The following PFN3 variants were observed in gnomAD, a reference collection of about 807,000 sequenced individuals.
The protein encoded by PFN3 is profilin-3.
A neutral mutation model predicts 6.2 loss-of-function variants in PFN3; 7 were observed. That is an observed-to-expected ratio of 1.13 (90% CI 0.64 to 2.13). The LOEUF is 2.13. PFN3 is among the 30% of genes most tolerant of loss of function. PFN3 has a pLI of 0.00. For synonymous variants in PFN3, 112 were observed against 97.7 expected (o/e 1.15, Z -0.87); for missense variants, 251 against 209.3 (o/e 1.20, Z -1.23).
rs763526726 is a variant in PFN3, at chr5:177,400,237, G to T, written c.340C>A (p.Arg114Ser). The T allele has an allele frequency of 1.2e-6, 2 of 1,611,456 alleles. No individual in the cohort carries two copies. Among genetic ancestry groups the T allele is most frequent in the Non-Finnish European group, 1.7e-6 (2 of 1,179,392 alleles). Residue 114 changes from arginine (R) to serine (S), a missense_variant, in exon 1 of 1, where the codon CGC becomes AGC. Physicochemically the swap from Arg to Ser is moderately radical, Grantham distance 110 (BLOSUM62 -1). Transcript: ENST00000358571. ...PRALLVLMGR[R>S]GVHGGILNKT... Reference sequence around the variant, plus strand: ...TTGAGGATGCCCCCATGTACGCCGCGTCGGCCCATTAGCACCAGGAGCGCG... The same window carrying T: ...TTGAGGATGCCCCCATGTACGCCGCTTCGGCCCATTAGCACCAGGAGCGCG...
rs1252537984 is a variant in PFN3 at position 177,400,169 on chromosome 5, G to T, written c.408C>A (p.Gly136=). 2 of 1,611,174 alleles carry T rather than the reference G, an allele frequency of 1.2e-6. No individual in the cohort carries two copies. The highest frequency in any genetic ancestry group is 1.3e-5 in the African/African-American group (1 of 74,892). ...HELIRGLRMQ[G]A ...GGGCGGCCTGGCTGGCCGGCTAGGC[G>T]CCCTGCATGCGCAGCCCGCGTATGA... The change falls in exon 1 of 1, where the codon GGC becomes GGA. Residue 136 remains glycine, a synonymous_variant. Coordinates refer to ENST00000358571, the MANE Select transcript of PFN3 (RefSeq NM_001029886.3).
chr5:177,400,607 C>T lies in PFN3; in HGVS notation c.-31G>A, dbSNP rs1226357044. The T allele has an allele frequency of 1.3e-6, 2 of 1,583,254 alleles. No homozygotes were observed. The highest frequency in any genetic ancestry group is 1.4e-5 in the African/African-American group (1 of 73,734). On this transcript the variant is annotated 5_prime_UTR_variant, in exon 1 of 1. The change creates a new upstream start codon in the 5' untranslated region. Transcript: ENST00000358571. ...TCCGAGTGCGCCCAGCCGCCTCGCA[C>T]CTCTCGGGGAAATATAGAGGCGCCA...
Position 177,400,421 on chromosome 5 carries a change from C to G in PFN3, c.156G>C (p.Thr52=), listed in dbSNP as rs772382488. The change falls in exon 1 of 1, where the codon ACG becomes ACC. Residue 52 remains threonine (T), a synonymous_variant. Transcript: ENST00000358571. ...AISPQEVGVL[T]GPDRHTFLQA... ...GCAGGAAGGTGTGCCTGTCCGGCCC[C>G]GTGAGCACGCCCACCTCCTGCGGCG... 6.5e-6 allele frequency: 10 copies of G among 1,542,216 alleles called. No homozygotes were observed. In the Admixed American group the frequency reaches 7.8e-5, roughly 12 times the overall value.
In PFN3 at chr5:177,400,487, G is replaced by T; in HGVS notation, c.90C>A (p.Cys30Ter). The change falls in exon 1 of 1, where the codon TGC becomes TGA. Residue 30 changes from cysteine (C) to a stop codon, truncating the protein, a stop_gained. Coordinates refer to ENST00000358571, the MANE Select transcript of PFN3 (RefSeq NM_001029886.3). LOFTEE classifies it high-confidence loss of function. ...VAIVGHADNS[C>*]VWASRPGGLL... ...GGCCCCCGGGCCGCGAAGCCCACAC[G>T]CAGCTGTTGTCCGCATGGCCCACGA... 1 of 1,590,158 alleles carries T rather than the reference G, an allele frequency of 6.3e-7. No homozygotes were observed. The highest frequency in any genetic ancestry group is 8.5e-7 in the Non-Finnish European group (1 of 1,175,868).
At position 177,400,661 on chromosome 5, in the gene PFN3, C is replaced by T; in HGVS notation, c.-85G>A. On this transcript the variant is annotated 5_prime_UTR_variant, in exon 1 of 1. Transcript: ENST00000358571. ...GGGGAAGGCCTGCGGCGCTGTGAGG[C>T]AGGCTGGGCGGGGCTGTGACGTCAC... 1 of 1,493,838 alleles carries T rather than the reference C, an allele frequency of 6.7e-7. No homozygotes were observed. Among genetic ancestry groups the T allele is most frequent in the Non-Finnish European group, 8.9e-7 (1 of 1,121,114 alleles). The allele number at this position is 1,493,838 out of a possible 1,614,324, so 92.5% of individuals were successfully genotyped here. A position where few individuals can be genotyped will look rare whatever the true frequency, so the allele number is the denominator to read the frequency against.
Position 177,400,193 on chromosome 5 carries a change from G to A in PFN3, c.384C>T (p.Leu128=). Residue 128 remains leucine, a synonymous_variant, in exon 1 of 1, where the codon CTC becomes CTT. Coordinates refer to ENST00000358571, the MANE Select transcript of PFN3 (RefSeq NM_001029886.3). ...CGCCCTGCATGCGCAGCCCGCGTATGAGTTCGTGCACCGTCTTGTTGAGGA... is the reference window on the plus strand; with the variant it reads ...CGCCCTGCATGCGCAGCCCGCGTATAAGTTCGTGCACCGTCTTGTTGAGGA... ...GGILNKTVHE[L]IRGLRMQGA 1 of 1,612,078 alleles carries A rather than the reference G, an allele frequency of 6.2e-7. No individual in the cohort carries two copies. Among genetic ancestry groups the A allele is most frequent in the Non-Finnish European group, 8.5e-7 (1 of 1,179,612 alleles).
Position 177,400,315 on chromosome 5 carries a change from C to T in PFN3, c.262G>A (p.Ala88Thr). ...CGCGCGTCCAGCCCCTTGGTGCGTGCGTCCAGCACGCCGTCACCCTCGGCC... is the reference window on the plus strand; with the variant it reads ...CGCGCGTCCAGCCCCTTGGTGCGTGTGTCCAGCACGCCGTCACCCTCGGCC... ...LLAEGDGVLD[A>T]RTKGLDARAV... Residue 88 changes from alanine (A) to threonine (T), a missense_variant, in exon 1 of 1, where the codon GCA (alanine) becomes ACA (threonine). Physicochemically the swap from Ala to Thr is moderately conservative, Grantham distance 58. Coordinates refer to ENST00000358571, the MANE Select transcript of PFN3 (RefSeq NM_001029886.3). 4 of 1,559,474 alleles carry T rather than the reference C, an allele frequency of 2.6e-6. No homozygotes were observed. Among genetic ancestry groups the T allele is most frequent in the Non-Finnish European group, 3.5e-6 (4 of 1,155,200 alleles).
rs1763115936 is a variant in PFN3, at chr5:177,400,658, A to T, written c.-82T>A. 6 of 1,497,680 alleles carry T rather than the reference A, an allele frequency of 4.0e-6. No homozygotes were observed. Among genetic ancestry groups the T allele is most frequent in the Non-Finnish European group, 5.3e-6 (6 of 1,122,554 alleles). The allele number at this position is 1,497,680 out of a possible 1,614,324, so 92.8% of individuals were successfully genotyped here. ...CGCGGGGAAGGCCTGCGGCGCTGTGAGGCAGGCTGGGCGGGGCTGTGACGT... is the reference window on the plus strand; with the variant it reads ...CGCGGGGAAGGCCTGCGGCGCTGTGTGGCAGGCTGGGCGGGGCTGTGACGT... On this transcript the variant is annotated 5_prime_UTR_variant, in exon 1 of 1. Transcript: ENST00000358571.
rs762602927 is a variant in PFN3, at chr5:177,400,259, C to CGCGCGCG, written c.311_317dup (p.Leu107AlafsTer48). On this transcript the variant is annotated frameshift_variant, in exon 1 of 1. Coordinates refer to ENST00000358571, the MANE Select transcript of PFN3 (RefSeq NM_001029886.3). LOFTEE classifies it high-confidence loss of function. ...CGCGTCGGCCCATTAGCACCAGGAG[C>CGCGCGCG]GCGCGCGGCGCACGGCCCACGCACA... is the stretch of plus-strand genomic sequence containing the variant. 4 of 1,608,718 alleles carry CGCGCGCG rather than the reference C, an allele frequency of 2.5e-6. No homozygotes were observed. In the Admixed American group the frequency reaches 6.7e-5, roughly 27 times the overall value.
chr5:177,400,368 C>T lies in PFN3; in HGVS notation c.209G>A (p.Arg70His). Residue 70 changes from arginine (R) to histidine (H), a missense_variant, in exon 1 of 1, where the codon CGC becomes CAC. Coordinates refer to ENST00000358571, the MANE Select transcript of PFN3 (RefSeq NM_001029886.3). Reference protein sequence around the residue: ...LQAGLSVGGRRCCVIRDHLLA... With the variant: ...LQAGLSVGGRHCCVIRDHLLA... ...CAGGTGGTCGCGGATGACGCAGCAG[C>T]GGCGGCCCCCCACGCTCAGGCCCGC... 1 of 1,536,596 alleles carries T rather than the reference C, an allele frequency of 6.5e-7. No homozygotes were observed.
In PFN3 at chr5:177,400,348, G is replaced by A; in HGVS notation, c.229C>T (p.His77Tyr). 1.3e-6 allele frequency: 2 copies of A among 1,535,438 alleles called. No homozygotes were observed. The highest frequency in any genetic ancestry group is 2.4e-5 in the South Asian group (2 of 82,576). ...GGRRCCVIRD[H>Y]LLAEGDGVLD... ...ACGCCGTCACCCTCGGCCAGCAGGT[G>A]GTCGCGGATGACGCAGCAGCGGCGG... The change falls in exon 1 of 1, where the codon CAC (histidine) becomes TAC (tyrosine). Residue 77 changes from histidine to tyrosine, a missense_variant. Physicochemically the swap from His to Tyr is moderately conservative, Grantham distance 83 (BLOSUM62 2). Coordinates refer to ENST00000358571, the MANE Select transcript of PFN3 (RefSeq NM_001029886.3).
At position 177,400,164 on chromosome 5, in the gene PFN3, T is replaced by G. The variant is rs1231104252; in HGVS notation, c.413A>C (p.Ter138SerextTer9). The G allele has an allele frequency of 6.2e-7, 1 of 1,611,058 alleles. No individual in the cohort carries two copies. The highest frequency in any genetic ancestry group is 8.5e-7 in the Non-Finnish European group (1 of 1,179,252). ...LIRGLRMQGA[*>S] ...CCAGTGGGCGGCCTGGCTGGCCGGC[T>G]AGGCGCCCTGCATGCGCAGCCCGCG... is the stretch of plus-strand genomic sequence containing the variant. The change falls in exon 1 of 1, where the codon TAG (stop) becomes TCG (serine). Residue 138 changes from the stop codon to serine (S), a stop_lost. Coordinates refer to ENST00000358571, the MANE Select transcript of PFN3 (RefSeq NM_001029886.3).
At position 177,400,292 on chromosome 5, in the gene PFN3, C is replaced by CGCGTCCAGCCCCTTGGTGCGT; in HGVS notation, c.264_284dup (p.Thr90_Arg96dup). On this transcript the variant is annotated inframe_insertion, in exon 1 of 1. Transcript: ENST00000358571. ...GCGCACGGCCCACGCACACGGCGCG[C>CGCGTCCAGCCCCTTGGTGCGT]GCGTCCAGCCCCTTGGTGCGTGCGT... 6.3e-7 allele frequency: 1 copy of CGCGTCCAGCCCCTTGGTGCGT among 1,589,852 alleles called. No homozygotes were observed.
Position 177,400,174 on chromosome 5 carries a change from G to A in PFN3, c.403C>T (p.Gln135Ter). 6.2e-7 allele frequency: 1 copy of A among 1,611,618 alleles called. No individual in the cohort carries two copies. Among genetic ancestry groups the A allele is most frequent in the South Asian group, 1.1e-5 (1 of 91,064 alleles). Reference protein sequence around the residue: ...VHELIRGLRMQGA With the variant: ...VHELIRGLRM ...GCCTGGCTGGCCGGCTAGGCGCCCT[G>A]CATGCGCAGCCCGCGTATGAGTTCG... is the stretch of plus-strand genomic sequence containing the variant. The change falls in exon 1 of 1, where the codon CAG (glutamine) becomes TAG (stop). Residue 135 changes from glutamine (Q) to a stop codon, truncating the protein, a stop_gained. Transcript: ENST00000358571. LOFTEE classifies it high-confidence loss of function.
chr5:177,400,142 G>C lies in PFN3; in HGVS notation c.*21C>G. On this transcript the variant is annotated 3_prime_UTR_variant, in exon 1 of 1. Coordinates refer to ENST00000358571, the MANE Select transcript of PFN3 (RefSeq NM_001029886.3). ...ACAGTTTATTTGGCCCGCGCTACCAGTGGGCGGCCTGGCTGGCCGGCTAGG... is the reference window on the plus strand; with the variant it reads ...ACAGTTTATTTGGCCCGCGCTACCACTGGGCGGCCTGGCTGGCCGGCTAGG... 6.2e-7 allele frequency: 1 copy of C among 1,609,782 alleles called. No homozygotes were observed. Among genetic ancestry groups the C allele is most frequent in the South Asian group, 1.1e-5 (1 of 90,906 alleles).
Position 177,400,136 on chromosome 5 carries a change from C to A in PFN3, c.*27G>T. 6.2e-7 allele frequency: 1 copy of A among 1,608,896 alleles called. No individual in the cohort carries two copies. The highest frequency in any genetic ancestry group is 8.5e-7 in the Non-Finnish European group (1 of 1,178,200). On this transcript the variant is annotated 3_prime_UTR_variant, in exon 1 of 1. Coordinates refer to ENST00000358571, the MANE Select transcript of PFN3 (RefSeq NM_001029886.3). ...CAGGTCACAGTTTATTTGGCCCGCG[C>A]TACCAGTGGGCGGCCTGGCTGGCCG...
At position 177,400,220 on chromosome 5, in the gene PFN3, G is replaced by T. The variant is rs781406044; in HGVS notation, c.357C>A (p.Gly119=). 6.2e-7 allele frequency: 1 copy of T among 1,611,998 alleles called. No homozygotes were observed. Among genetic ancestry groups the T allele is most frequent in the Non-Finnish European group, 8.5e-7 (1 of 1,179,558 alleles). The part of the protein sequence containing the change: ...VLMGRRGVHG[G]ILNKTVHELI... ...GTTCGTGCACCGTCTTGTTGAGGAT[G>T]CCCCCATGTACGCCGCGTCGGCCCA... is the stretch of plus-strand genomic sequence containing the variant. The change falls in exon 1 of 1, where the codon GGC becomes GGA. Residue 119 remains glycine (G), a synonymous_variant. Coordinates refer to ENST00000358571, the MANE Select transcript of PFN3 (RefSeq NM_001029886.3).
chr5:177,400,255 G>A lies in PFN3; in HGVS notation c.322C>T (p.Leu108=), dbSNP rs757169261. 4 of 1,610,176 alleles carry A rather than the reference G, an allele frequency of 2.5e-6. No individual in the cohort carries two copies. The African/African-American group carries it at 4.0e-5, about 16-fold the overall frequency. The change falls in exon 1 of 1, where the codon CTG becomes TTG. Residue 108 remains leucine (L), a synonymous_variant. Coordinates refer to ENST00000358571, the MANE Select transcript of PFN3 (RefSeq NM_001029886.3). ...ACGCCGCGTCGGCCCATTAGCACCA[G>A]GAGCGCGCGCGGCGCACGGCCCACG... ...VCVGRAPRAL[L]VLMGRRGVHG...
chr5:177,400,113 G>C lies in PFN3; in HGVS notation c.*50C>G, dbSNP rs1418786350. The C allele has an allele frequency of 1.3e-6, 2 of 1,598,236 alleles. No individual in the cohort carries two copies. The highest frequency in any genetic ancestry group is 1.7e-6 in the Non-Finnish European group (2 of 1,172,438). On this transcript the variant is annotated 3_prime_UTR_variant, in exon 1 of 1. Coordinates refer to ENST00000358571, the MANE Select transcript of PFN3 (RefSeq NM_001029886.3). Reference sequence around the variant, plus strand: ...GTGGAGGAGGAGCCAGCCGCGCCCAGGTCACAGTTTATTTGGCCCGCGCTA... The same window carrying C: ...GTGGAGGAGGAGCCAGCCGCGCCCACGTCACAGTTTATTTGGCCCGCGCTA...
Sources: gnomAD v4.1 joint callset for allele counts on GRCh38, gnomAD v4.1.1 for gene constraint, MANE v1.5 for transcripts, NCBI Gene and HGNC (gene_info 2026-07-23, HGNC 2026-07-21) for gene names.